The following TSEN54 variants were observed in gnomAD, a reference collection of about 807,000 sequenced individuals.
TSEN54 encodes the protein tRNA splicing endonuclease subunit 54.
In TSEN54, 55 loss-of-function variants were observed where a neutral mutation model predicts 61.9. The observed-to-expected ratio is 0.89, with a 90% CI of 0.72 to 1.11. The LOEUF is 1.11. TSEN54 is among the 50% of genes most tolerant of loss of function. TSEN54 has a pLI of 0.00. For synonymous variants in TSEN54, 304 were observed against 288.7 expected (o/e 1.05, Z -0.54); for missense variants, 760 against 687.7 (o/e 1.11, Z -1.18).
chr17:75,517,042 A>G lies in TSEN54; in HGVS notation c.255A>G (p.Glu85=). 1 of 1,596,604 alleles carries G rather than the reference A, an allele frequency of 6.3e-7. No homozygotes were observed. Among genetic ancestry groups the G allele is most frequent in the South Asian group, 1.1e-5 (1 of 88,436 alleles). The change falls in exon 3 of 11, where the codon GAA becomes GAG. Residue 85 remains glutamate (E), a synonymous_variant. Transcript: ENST00000333213. ...GSLVAAEWRP[E]EGFVELKSPA... ...TGGTGGCTGCCGAGTGGAGGCCAGAAGAGGGCTTCGTGGAGTTGAAGTCTC... is the reference window on the plus strand; with the variant it reads ...TGGTGGCTGCCGAGTGGAGGCCAGAGGAGGGCTTCGTGGAGTTGAAGTCTC...
chr17:75,524,368 T>C lies in TSEN54; in HGVS notation c.1537T>C (p.Tyr513His), dbSNP rs1361068437. Reference sequence around the variant, plus strand: ...GGTGGATCATGGTGACATCTCCTTCTACAGCTTCAGGGACTTCACGTTGCC... The same window carrying C: ...GGTGGATCATGGTGACATCTCCTTCCACAGCTTCAGGGACTTCACGTTGCC... ...ALVDHGDISFYSFRDFTLPQD... is the reference protein window; with the variant it reads ...ALVDHGDISFHSFRDFTLPQD... The change falls in exon 11 of 11, where the codon TAC becomes CAC. Residue 513 changes from tyrosine (Y) to histidine (H), a missense_variant. This residue lies in a region of TSEN54 where 83 missense variants were observed against 82.9 expected (regional missense o/e 1.00). Transcript: ENST00000333213. The C allele has an allele frequency of 6.2e-7, 1 of 1,614,200 alleles. No individual in the cohort carries two copies. The highest frequency in any genetic ancestry group is 8.5e-7 in the Non-Finnish European group (1 of 1,180,042).
intron 5 of TSEN54, chr17:75,518,397 C>T (rs556391312): frequency 3.0e-5 from 11 of 365,396 alleles, no homozygotes; most frequent in South Asian, 1.1e-4. Flanking sequence ...AGAAACAGAC[C>T]GAGGAGTGTC....
intron 4 of TSEN54, 112 bp from the exon 5 acceptor site, chr17:75,517,445 T>C (rs2053384657): frequency 2.5e-6 from 3 of 1,219,588 alleles, no homozygotes; most frequent in Non-Finnish European, 3.6e-6. Flanking sequence ...GGCCACATTC[T>C]TGATGCGCTG....
In TSEN54 at chr17:75,522,124, T is replaced by A. The variant is rs886053397; in HGVS notation, c.1043T>A (p.Leu348His). 2 of 1,569,908 alleles carry A rather than the reference T, an allele frequency of 1.3e-6. No homozygotes were observed. Residue 348 changes from leucine to histidine, a missense_variant, in exon 8 of 11, where the codon CTC becomes CAC. This residue lies in a region of TSEN54 where 667 missense variants were observed against 577.8 expected (regional missense o/e 1.15). Transcript: ENST00000333213. The stretch of plus-strand genomic sequence containing the variant: ...AAGCTGAACCAGCGCAAGGAGAAGC[T>A]CTCCAGGCGGGAACGGGAGCACCAC... ...CQKLNQRKEK[L>H]SRREREHHAE...
intron 5 of TSEN54, 77 bp from the exon 6 acceptor site, chr17:75,518,918 T>C: frequency 3.7e-6 from 6 of 1,605,420 alleles, no homozygotes; most frequent in Non-Finnish European, 5.1e-6. Context: ...GCTGTGGGGA[T>C]GGCCTGTGTC....
chr17:75,519,054 C>T lies in TSEN54; in HGVS notation c.521+7C>T, dbSNP rs764509322. 1.1e-5 allele frequency: 18 copies of T among 1,613,782 alleles called. No individual in the cohort carries two copies. Among genetic ancestry groups the T allele is most frequent in the Admixed American group, 1.7e-5 (1 of 59,972 alleles). On this transcript the variant is annotated splice_region_variant and intron_variant, in intron 6 of 10. Transcript: ENST00000333213. The stretch of plus-strand genomic sequence containing the variant: ...TTCGACGATTCCAACCAAGGTAAAT[C>T]CCCTTCCTGTTCCCCTTCCATATAT...
rs1030048628 is a variant in TSEN54, at chr17:75,517,578, C to A, written c.391C>A (p.Gln131Lys). The part of the protein sequence containing the change: ...LECGSIHLFH[Q>K]DLPLSIQEAY... ...CCAGGGCTCCATCCACCTCTTCCAC[C>A]AAGACCTGCCACTGTCTATCCAGGA... is the stretch of plus-strand genomic sequence containing the variant. The change falls in exon 5 of 11, where the codon CAA (glutamine) becomes AAA (lysine). Residue 131 changes from glutamine to lysine, a missense_variant. Gln to Lys is a moderately conservative substitution (Grantham distance 53). Transcript: ENST00000333213. The A allele has an allele frequency of 1.2e-6, 2 of 1,613,780 alleles. No homozygotes were observed. Among genetic ancestry groups the A allele is most frequent in the African/African-American group, 2.7e-5 (2 of 74,924 alleles).
chr17:75,522,378 A>G (rs1478678207), intron 8 of TSEN54, 45 bp downstream of exon 8: 22 of 1,539,048 alleles, frequency 1.4e-5, no homozygotes, highest in Non-Finnish European at 1.8e-5. Context: ...CTGGCAGCTG[A>G]GGAATCACAG....
In TSEN54 at chr17:75,522,080, CG is replaced by C. The variant is rs754969391; in HGVS notation, c.1000del (p.Ala334LeufsTer8). The C allele has an allele frequency of 6.9e-6, 11 of 1,586,186 alleles. No homozygotes were observed. In the South Asian group the frequency reaches 1.3e-4, roughly 18 times the overall value. ...CCAACGTGGCTGGGCGGGAGACAGA[CG>C]CTGAGTCCTGGTGCCAGAAGCTGAA... ...PANVAGRETD[A>X]ESWCQKLNQR... On this transcript the variant is annotated frameshift_variant, in exon 8 of 11. Transcript: ENST00000333213. LOFTEE classifies it high-confidence loss of function.
chr17:75,521,667 CA>C (rs1568003121), intron 7 of TSEN54, 37 bp from the exon 8 acceptor site: 2 of 1,606,144 alleles, frequency 1.2e-6, no homozygotes, highest in Admixed American at 3.3e-5. Context: ...CCTTAGCAAC[CA>C]GGGGCAGATG....
intron 5 of TSEN54, chr17:75,518,478 T>A (rs1484563031): frequency 1.0e-6 from 1 of 973,828 alleles, no homozygotes; most frequent in Non-Finnish European, 1.2e-6. Flanking sequence ...AGGAAGTGGT[T>A]AGCTGTGCTA....
Position 75,518,578 on chromosome 17 carries a change from C to T in TSEN54, c.469-417C>T, listed in dbSNP as rs572043379. 3 of 985,346 alleles carry T rather than the reference C, an allele frequency of 3.0e-6. No individual in the cohort carries two copies. The Admixed American group carries it at 1.8e-4, about 61-fold the overall frequency. The allele number at this position is 985,346 out of a possible 1,614,324, so 61.0% of individuals were successfully genotyped here. A position where few individuals can be genotyped will look rare whatever the true frequency, so the allele number is the denominator to read the frequency against. On this transcript the variant is annotated intron_variant, in intron 5 of 10. Coordinates refer to ENST00000333213, the MANE Select transcript of TSEN54 (RefSeq NM_207346.3). ...GGACACAAGGTTGAATATGTGGCTC[C>T]CTACCAGAAACTTCCCACCGGCATC...
intron 6 of TSEN54, among the ~76,000 whole-genome samples, chr17:75,520,029 C>T (rs2053411208): frequency 6.6e-6 from 1 of 152,200 alleles, no homozygotes. Context: ...AATCACTGCC[C>T]TCACAGAGCT....
Position 75,516,538 on chromosome 17 carries a change from G to C in TSEN54, c.-23G>C. 7.2e-6 allele frequency: 8 copies of C among 1,110,088 alleles called. No individual in the cohort carries two copies. Among genetic ancestry groups the C allele is most frequent in the Non-Finnish European group, 8.8e-6 (8 of 912,468 alleles). The allele number at this position is 1,110,088 out of a possible 1,614,324, so 68.8% of individuals were successfully genotyped here. Reference sequence around the variant, plus strand: ...GGCGGTGGGCGGGGCGTGGCGGCGCGCGCAGCGGCAGGCGGCGGCGGGATG... The same window carrying C: ...GGCGGTGGGCGGGGCGTGGCGGCGCCCGCAGCGGCAGGCGGCGGCGGGATG... On this transcript the variant is annotated 5_prime_UTR_variant, in exon 1 of 11. Coordinates refer to ENST00000333213, the MANE Select transcript of TSEN54 (RefSeq NM_207346.3).
chr17:75,523,499 G>A lies in TSEN54; in HGVS notation c.1313+164G>A, dbSNP rs1408200157. On this transcript the variant is annotated intron_variant, in intron 9 of 10. Transcript: ENST00000333213. The stretch of plus-strand genomic sequence containing the variant: ...CTAGTGTTCGTGTGTGTCTAGGGAA[G>A]AGGGAGAATAACCAGTGGGTTAGCC... The A allele has an allele frequency of 1.9e-6, 3 of 1,598,064 alleles. No individual in the cohort carries two copies. The East Asian group carries it at 6.7e-5, about 36-fold the overall frequency.
Position 75,521,990 on chromosome 17 carries a change from C to G in TSEN54, c.909C>G (p.Phe303Leu), listed in dbSNP as rs199874361. 25 of 1,605,186 alleles carry G rather than the reference C, an allele frequency of 1.6e-5. No individual in the cohort carries two copies. In the East Asian group the frequency reaches 3.2e-4, roughly 20 times the overall value. Residue 303 changes from phenylalanine (F) to leucine (L), a missense_variant, in exon 8 of 11, where the codon TTC becomes TTG. Coordinates refer to ENST00000333213, the MANE Select transcript of TSEN54 (RefSeq NM_207346.3). Reference sequence around the variant, plus strand: ...GCTGGAACTTCGAGCAGATCTCCTTCCCCAACATGGCTTCAGACAGCCGCC... The same window carrying G: ...GCTGGAACTTCGAGCAGATCTCCTTGCCCAACATGGCTTCAGACAGCCGCC... ...KRRWNFEQISFPNMASDSRHT... is the reference protein window; with the variant it reads ...KRRWNFEQISLPNMASDSRHT...
rs1369591525 is a variant in TSEN54, at chr17:75,524,725, G to C, written c.*313G>C. ...TATAAAGCCAAAGCCATTAAAAATA[G>C]ATTTCTTTTCTGCTGTTTCTGTATG... On this transcript the variant is annotated 3_prime_UTR_variant, in exon 11 of 11. Transcript: ENST00000333213. 4.5e-6 allele frequency: 2 copies of C among 447,116 alleles called. No individual in the cohort carries two copies. The highest frequency in any genetic ancestry group is 4.0e-5 in the African/African-American group (2 of 49,960). 27.7% of individuals were successfully genotyped at this position (447,116 alleles called of 1,614,324 possible).
In TSEN54 at chr17:75,522,155, G is replaced by C; in HGVS notation, c.1074G>C (p.Glu358Asp). Residue 358 changes from glutamate (E) to aspartate (D), a missense_variant, in exon 8 of 11, where the codon GAG becomes GAC. Glu to Asp is a conservative substitution (Grantham distance 45, BLOSUM62 2). Around this residue, in one of 3 missense-constraint regions of TSEN54, gnomAD observed 667 missense variants for 577.8 expected, o/e 1.15. Transcript: ENST00000333213. ...LSRREREHHA[E>D]AAQFQEDVNA... Reference sequence around the variant, plus strand: ...GGCGGGAACGGGAGCACCACGCGGAGGCCGCGCAGTTCCAGGAAGATGTCA... The same window carrying C: ...GGCGGGAACGGGAGCACCACGCGGACGCCGCGCAGTTCCAGGAAGATGTCA... The C allele has an allele frequency of 1.3e-6, 2 of 1,556,226 alleles. No individual in the cohort carries two copies. The highest frequency in any genetic ancestry group is 1.2e-5 in the South Asian group (1 of 84,868).
chr17:75,520,193 CTG>C (rs2053412757), intron 6 of TSEN54, among the ~76,000 whole-genome samples: 1 of 152,162 alleles, frequency 6.6e-6, no homozygotes, highest in Non-Finnish European at 1.5e-5. Context: ...TGAAAATGTT[CTG>C]TGTCTGTGAT....
Sources: gnomAD v4.1 joint callset for allele counts (sites outside exome capture counted in the v4.1 genomes callset) on GRCh38, gnomAD v4.1.1 for gene constraint, gnomAD v4.1.1 regional missense constraint, MANE v1.5 for transcripts, NCBI Gene and HGNC (gene_info 2026-07-23, HGNC 2026-07-21) for gene names.